GBP6: variants seen among roughly 807,000 people sequenced by gnomAD.
The protein encoded by GBP6 is guanylate-binding protein 6.
GBP6 carries 54 observed loss-of-function variants against 61.5 expected under a neutral mutation model. That is an observed-to-expected ratio of 0.88 (90% CI 0.71 to 1.10). The LOEUF (loss-of-function observed/expected upper bound fraction) is 1.10. Ranked by LOEUF, GBP6 falls within the 50% of genes least tolerant of loss-of-function variation. The pLI, the probability that GBP6 is intolerant of heterozygous loss-of-function variation, is 0.00. For synonymous variants in GBP6, 255 were observed against 273.7 expected (o/e 0.93, Z 0.67); for missense variants, 748 against 752.8 (o/e 0.99, Z 0.07).
chr1:89,381,733 A>T lies in GBP6; in HGVS notation c.911A>T (p.Asn304Ile). The T allele has an allele frequency of 6.2e-7, 1 of 1,614,078 alleles. No homozygotes were observed. The highest frequency in any genetic ancestry group is 1.1e-5 in the South Asian group (1 of 91,074). ...TLAVTYVEAI[N>I]SGAVPCLENA... Reference sequence around the variant, plus strand: ...GCAGTGACTTATGTAGAGGCCATCAACAGTGGAGCAGTGCCTTGTCTGGAG... The same window carrying T: ...GCAGTGACTTATGTAGAGGCCATCATCAGTGGAGCAGTGCCTTGTCTGGAG... Residue 304 changes from asparagine (N) to isoleucine (I), a missense_variant, in exon 7 of 11, where the codon AAC becomes ATC. Asn to Ile is a moderately radical substitution (Grantham distance 149). Coordinates refer to ENST00000370456, the MANE Select transcript of GBP6 (RefSeq NM_198460.3).
At position 89,381,902 on chromosome 1, in the gene GBP6, G is replaced by T. The variant is rs749321004; in HGVS notation, c.1080G>T (p.Glu360Asp). Residue 360 changes from glutamate to aspartate, a missense_variant, in exon 7 of 11, where the codon GAG becomes GAT. By Grantham distance (45) the Glu-to-Asp change is conservative (BLOSUM62 2). Transcript: ENST00000370456. ...TGCTGGACATGCATGCGGCCTGTGA[G>T]AGGGAAGCCATTGCAATCTTCATGG... ...QELLDMHAAC[E>D]REAIAIFMEH... The T allele has an allele frequency of 5.0e-6, 8 of 1,614,056 alleles. No individual in the cohort carries two copies. The highest frequency in any genetic ancestry group is 5.9e-6 in the Non-Finnish European group (7 of 1,180,012).
rs1276778962 is a variant in GBP6 at position 89,385,312 on chromosome 1, T to C, written c.1745T>C (p.Ile582Thr). Residue 582 changes from isoleucine (I) to threonine (T), a missense_variant, in exon 11 of 11, where the codon ATT becomes ACT. Physicochemically the swap from Ile to Thr is moderately conservative, Grantham distance 89. Transcript: ENST00000370456. ...GAGATAAGTCAATTTAAACGTATGA[T>C]TGATACTACAAAAAATGATGATACT... is the stretch of plus-strand genomic sequence containing the variant. ...NAEISQFKRM[I>T]DTTKNDDTPW... 1 of 1,614,110 alleles carries C rather than the reference T, an allele frequency of 6.2e-7. No homozygotes were observed. The highest frequency in any genetic ancestry group is 1.6e-4 in the Middle Eastern group (1 of 6,062).
intron 8 of GBP6, 83 bp downstream of exon 8, chr1:89,382,959 A>C: frequency 1.2e-6 from 1 of 833,730 alleles, no homozygotes; most frequent in Non-Finnish European, 2.0e-6. Flanking sequence ...ATAAGAGAGC[A>C]GAGGGATAGC....
At chr1:89,384,378 A>G (rs1248654666) in intron 10 of GBP6, 92 bp downstream of exon 10, 2 of 978,952 alleles carry the variant, frequency 2.0e-6, no homozygotes, top group Non-Finnish European at 3.0e-6. Flanking sequence ...TCATGAAAGG[A>G]AGCACATCAC....
intron 1 of GBP6, among the ~76,000 whole-genome samples, chr1:89,367,180 A>G (rs774696524): frequency 3.3e-5 from 5 of 152,154 alleles, no homozygotes; most frequent in Admixed American, 6.5e-5. Flanking sequence ...GTAGAAGTAG[A>G]ATAGCTTGAT....
chr1:89,375,046 T>A (rs1478676242), intron 3 of GBP6, among the ~76,000 whole-genome samples: 5 of 152,184 alleles, frequency 3.3e-5, no homozygotes, highest in African/African-American at 1.2e-4. Flanking sequence ...CCTGCATTAG[T>A]TTGCTAAGGA....
intron 10 of GBP6, 37 bp downstream of exon 10, chr1:89,384,323 C>T (rs948344182): frequency 6.5e-7 from 1 of 1,535,856 alleles, no homozygotes; most frequent in African/African-American, 1.4e-5. Flanking sequence ...CCAGACGGTC[C>T]TCACCCAGGT....
rs954253593 is a variant in GBP6, at chr1:89,386,297, G to T, written c.*828G>T. The stretch of plus-strand genomic sequence containing the variant: ...AAATCTATTATTATTGGCTCCTTCT[G>T]GGAAGAACCAAGTGAATGTAGGGGT... On this transcript the variant is annotated 3_prime_UTR_variant, in exon 11 of 11. Transcript: ENST00000370456. 2.6e-5 allele frequency: 4 copies of T among 152,066 alleles called. No individual in the cohort carries two copies. The highest frequency in any genetic ancestry group is 1.3e-4 in the Admixed American group (2 of 15,262). 9.4% of individuals were successfully genotyped at this position (152,066 alleles called of 1,614,324 possible).
chr1:89,384,646 A>C (rs1323645749), intron 10 of GBP6, among the ~76,000 whole-genome samples: 1 of 152,206 alleles, frequency 6.6e-6, no homozygotes, highest in Non-Finnish European at 1.5e-5. Context: ...TCCTTCACCA[A>C]GACCACATAT....
In GBP6 at chr1:89,386,826, C is replaced by T. The variant is rs1653156564; in HGVS notation, c.*1357C>T. 1.3e-5 allele frequency among the ~76,000 whole-genome samples: 2 copies of T among 152,098 alleles called. No homozygotes were observed. The highest frequency in any genetic ancestry group is 1.3e-4 in the Admixed American group (2 of 15,262). ...GACAATGTGCCTTTCCAGAACTGAA[C>T]CCCCTGATGGGGGATGATAGACCCA... On this transcript the variant is annotated 3_prime_UTR_variant, in exon 11 of 11. Transcript: ENST00000370456.
intron 1 of GBP6, 57 bp from the exon 2 acceptor site, chr1:89,368,472 G>A: frequency 7.5e-7 from 1 of 1,331,452 alleles, no homozygotes; most frequent in Non-Finnish European, 1.1e-6. Flanking sequence ...TATGTTGATG[G>A]GTGCTTGGGA....
At chr1:89,364,173 C>T (rs1194288712) in intron 1 of GBP6, 46 bp downstream of exon 1, 1 of 152,286 alleles carries the variant, frequency 6.6e-6, no homozygotes, top group Non-Finnish European at 1.5e-5. Context: ...TAACTCAAGA[C>T]TTGGTTTCTG....
chr1:89,369,667 G>A lies in GBP6; in HGVS notation c.312G>A (p.Val104=). 1 of 1,613,644 alleles carries A rather than the reference G, an allele frequency of 6.2e-7. No homozygotes were observed. The highest frequency in any genetic ancestry group is 8.5e-7 in the Non-Finnish European group (1 of 1,179,754). The change falls in exon 3 of 11, where the codon GTG becomes GTA. Residue 104 remains valine, a synonymous_variant. Coordinates refer to ENST00000370456, the MANE Select transcript of GBP6 (RefSeq NM_198460.3). ...VLLDTEGLGD[V]EKGDPKNDSW... ...TGGACACCGAAGGTCTGGGCGATGTGGAAAAGGTAAGACAGAGAGTCATAG... is the reference window on the plus strand; with the variant it reads ...TGGACACCGAAGGTCTGGGCGATGTAGAAAAGGTAAGACAGAGAGTCATAG...
At chr1:89,384,340 G>T in intron 10 of GBP6, 54 bp downstream of exon 10, 1 of 1,439,212 alleles carries the variant, frequency 6.9e-7, no homozygotes, top group Non-Finnish European at 9.4e-7. Flanking sequence ...AGGTACCTCA[G>T]GAAGGGCTGG....
chr1:89,369,266 C>T (rs779354380), intron 2 of GBP6, among the ~76,000 whole-genome samples: 1 of 152,210 alleles, frequency 6.6e-6, no homozygotes, highest in Non-Finnish European at 1.5e-5. Flanking sequence ...TGAACCCCAC[C>T]ACTTTTCAAG....
chr1:89,371,425 G>A (rs531649333), intron 3 of GBP6, among the ~76,000 whole-genome samples: 1 of 152,238 alleles, frequency 6.6e-6, no homozygotes, highest in Non-Finnish European at 1.5e-5. Context: ...TAAAATACTG[G>A]CAAACCGAAT....
intron 7 of GBP6, 49 bp from the exon 8 acceptor site, chr1:89,382,615 A>G (rs765323147): frequency 4.1e-6 from 6 of 1,474,248 alleles, no homozygotes; most frequent in African/African-American, 1.4e-5. Flanking sequence ...TTAGAATTTC[A>G]TCTCCTCCAT....
In GBP6 at chr1:89,380,514, G is replaced by C; in HGVS notation, c.754G>C (p.Val252Leu). The C allele has an allele frequency of 6.2e-7, 1 of 1,614,064 alleles. No homozygotes were observed. The highest frequency in any genetic ancestry group is 8.5e-7 in the Non-Finnish European group (1 of 1,180,004). The change falls in exon 6 of 11, where the codon GTG becomes CTG. Residue 252 changes from valine to leucine, a missense_variant. Physicochemically the swap from Val to Leu is conservative, Grantham distance 32. Coordinates refer to ENST00000370456, the MANE Select transcript of GBP6 (RefSeq NM_198460.3). ...AGACCTTCTAGCCAATATTGAGAAG[G>C]TGTCAGAAAAGCAACTGGATCCCAA... ...DKDLLANIEK[V>L]SEKQLDPKFQ...
At chr1:89,377,637 T>C (rs1652843466) in intron 3 of GBP6, among the ~76,000 whole-genome samples, 1 of 152,238 alleles carries the variant, frequency 6.6e-6, no homozygotes, top group African/African-American at 2.4e-5. Context: ...AGTAAATTTA[T>C]TAAATTTGCT....
Sources: allele counts gnomAD v4.1 joint callset (sites outside exome capture counted in the v4.1 genomes callset), GRCh38; gene constraint gnomAD v4.1.1; transcripts MANE v1.5; gene names NCBI Gene and HGNC (gene_info 2026-07-23, HGNC 2026-07-21).